MED13L: variants seen among roughly 807,000 people sequenced by gnomAD.
MED13L encodes mediator of RNA polymerase II transcription subunit 13-like.
In MED13L, 7 loss-of-function variants were observed where a neutral mutation model predicts 220.9. That is an observed-to-expected ratio of 0.03 (90% CI 0.02 to 0.06). The LOEUF is 0.06. MED13L is among the 10% of genes least tolerant of loss of function. The pLI is 1.00. For synonymous variants in MED13L, 1,011 were observed against 1,015.2 expected (o/e 1.00, Z 0.08); for missense variants, 1,965 against 2,760.5 (o/e 0.71, Z 6.46).
rs573881872 is a variant in MED13L, at chr12:116,009,475, T to C, written c.1281-343A>G. On this transcript the variant is annotated intron_variant, in intron 9 of 30. Coordinates refer to ENST00000281928, the MANE Select transcript of MED13L (RefSeq NM_015335.5). The stretch of plus-strand genomic sequence containing the variant: ...TCTTAAAACCATGAGAGTAGAGTCA[T>C]GAGATTCTCTGCCAAGAAACAACAA... Among the ~76,000 whole-genome samples, 3 of 152,260 alleles carry C rather than the reference T, an allele frequency of 2.0e-5. No homozygotes were observed. The South Asian group carries it at 6.2e-4, about 32-fold the overall frequency.
Position 116,225,319 on chromosome 12 carries a change from C to T in MED13L, c.310+12149G>A, listed in dbSNP as rs1458368243. On this transcript the variant is annotated intron_variant, in intron 2 of 30. Coordinates refer to ENST00000281928, the MANE Select transcript of MED13L (RefSeq NM_015335.5). ...GTACTTTTAAATCTGTTTCAGGGCT[C>T]CAACTGAGTTCTAGTTAATAAAGCC... Among the ~76,000 whole-genome samples, 3 of 152,220 alleles carry T rather than the reference C, an allele frequency of 2.0e-5. No homozygotes were observed. In the East Asian group the frequency reaches 5.8e-4, roughly 29 times the overall value.
At chr12:116,250,141 T>C (rs895775885) in intron 1 of MED13L, among the ~76,000 whole-genome samples, 26 of 141,492 alleles carry the variant, frequency 1.8e-4, no homozygotes, top group Admixed American at 1.4e-4. Context: ...ATACATTACA[T>C]AAGAAAAAAC....
chr12:116,253,742 C>T (rs975909237), intron 1 of MED13L, among the ~76,000 whole-genome samples: 3 of 141,894 alleles, frequency 2.1e-5, no homozygotes, highest in Admixed American at 7.1e-5. Context: ...CCCACCTTCA[C>T]GGTTTTTTTT....
At chr12:116,149,544 A>C (rs1276958114) in intron 2 of MED13L, among the ~76,000 whole-genome samples, 2 of 152,262 alleles carry the variant, frequency 1.3e-5, no homozygotes, top group East Asian at 1.9e-4. Flanking sequence ...AAAAAGTCAA[A>C]TGATTACTAA....
chr12:116,096,042 C>A (rs1374920194), intron 4 of MED13L, among the ~76,000 whole-genome samples: 1 of 151,842 alleles, frequency 6.6e-6, no homozygotes, highest in Non-Finnish European at 1.5e-5. Flanking sequence ...AAACTTATTC[C>A]ATACAACACT....
chr12:115,990,104 C>G (rs1288652377), intron 17 of MED13L, among the ~76,000 whole-genome samples: 1 of 152,154 alleles, frequency 6.6e-6, no homozygotes, highest in Non-Finnish European at 1.5e-5. Flanking sequence ...TCTAAAGGCC[C>G]CAAGCTCCAT....
chr12:116,090,252 C>T (rs955839806), intron 4 of MED13L, among the ~76,000 whole-genome samples: 2 of 152,170 alleles, frequency 1.3e-5, no homozygotes, highest in Non-Finnish European at 2.9e-5. Flanking sequence ...TAGGTGGTCA[C>T]CTCTGTAATA....
chr12:116,099,436 G>C (rs1295488328), intron 3 of MED13L, among the ~76,000 whole-genome samples: 1 of 152,144 alleles, frequency 6.6e-6, no homozygotes, highest in Admixed American at 6.5e-5. Flanking sequence ...GTCAAACACT[G>C]AACAGTCTTC....
intron 4 of MED13L, among the ~76,000 whole-genome samples, chr12:116,059,278 T>C (rs1869241208): frequency 6.6e-6 from 1 of 152,180 alleles, no homozygotes; most frequent in African/African-American, 2.4e-5. Flanking sequence ...CAGGCTGGTC[T>C]TGAACTCCTG....
chr12:116,147,307 G>A (rs1032866742), intron 2 of MED13L, among the ~76,000 whole-genome samples: 1 of 152,082 alleles, frequency 6.6e-6, no homozygotes, highest in Admixed American at 6.6e-5. Flanking sequence ...GACTTTACTT[G>A]TATAATTTGG....
rs1879959957 is a variant in MED13L, at chr12:116,019,978, G to A, written c.626-6C>T. 6.2e-7 allele frequency: 1 copy of A among 1,610,138 alleles called. No homozygotes were observed. Among genetic ancestry groups the A allele is most frequent in the Non-Finnish European group, 8.5e-7 (1 of 1,176,650 alleles). On this transcript the variant is annotated splice_polypyrimidine_tract_variant and splice_region_variant and intron_variant, in intron 5 of 30. Coordinates refer to ENST00000281928, the MANE Select transcript of MED13L (RefSeq NM_015335.5). Reference sequence around the variant, plus strand: ...GCCATAAGGACTTACCAGTACTATGGAGGGGAGGAGAAATACATGCTAAAC... The same window carrying A: ...GCCATAAGGACTTACCAGTACTATGAAGGGGAGGAGAAATACATGCTAAAC...
chr12:116,150,488 G>A (rs890136783), intron 2 of MED13L, among the ~76,000 whole-genome samples: 1 of 152,124 alleles, frequency 6.6e-6, no homozygotes, highest in Non-Finnish European at 1.5e-5. Flanking sequence ...AGTGCTCCAG[G>A]CTGGCATTCT....
At chr12:115,971,973 A>T (rs992054036) in intron 26 of MED13L, 105 bp downstream of exon 26, 3 of 1,276,542 alleles carry the variant, frequency 2.4e-6, no homozygotes, top group Non-Finnish European at 3.3e-6. Flanking sequence ...ATCTTCCCTT[A>T]TAGAAATATA....
At chr12:116,017,512 A>T (rs1486580327) in intron 7 of MED13L, among the ~76,000 whole-genome samples, 1 of 152,260 alleles carries the variant, frequency 6.6e-6, no homozygotes, top group Non-Finnish European at 1.5e-5. Context: ...TGATTACTAC[A>T]AAAGACTATG....
rs1358709148 is a variant in MED13L at position 115,963,401 on chromosome 12, A to G, written c.6500+6T>C. ...GCACTGCTATGATGCCTAGGTTGGTATCTACCTTAAAACATCCGACGTGGT... is the reference window on the plus strand; with the variant it reads ...GCACTGCTATGATGCCTAGGTTGGTGTCTACCTTAAAACATCCGACGTGGT... On this transcript the variant is annotated splice_donor_region_variant and intron_variant, in intron 30 of 30. Coordinates refer to ENST00000281928, the MANE Select transcript of MED13L (RefSeq NM_015335.5). 1 of 1,589,420 alleles carries G rather than the reference A, an allele frequency of 6.3e-7. No homozygotes were observed.
At chr12:116,050,852 T>C (rs1868432622) in intron 4 of MED13L, among the ~76,000 whole-genome samples, 1 of 151,982 alleles carries the variant, frequency 6.6e-6, no homozygotes, top group South Asian at 2.1e-4. Flanking sequence ...GGTAGGAGAA[T>C]TGCTTGAACC....
intron 7 of MED13L, 128 bp from the exon 8 acceptor site, chr12:116,015,402 C>A: frequency 4.1e-6 from 4 of 984,210 alleles, no homozygotes; most frequent in Middle Eastern, 2.2e-4. Context: ...TTTTCCCTAT[C>A]CCCTGGCAAT....
At chr12:116,064,315 G>A (rs1344097967) in intron 4 of MED13L, among the ~76,000 whole-genome samples, 1 of 152,038 alleles carries the variant, frequency 6.6e-6, no homozygotes, top group Admixed American at 6.5e-5. Flanking sequence ...ATTATTGGGG[G>A]AATAATTACA....
chr12:116,152,175 A>C (rs1878091295), intron 2 of MED13L, among the ~76,000 whole-genome samples: 1 of 152,216 alleles, frequency 6.6e-6, no homozygotes. Flanking sequence ...TAAAGCCCCC[A>C]AAAGGCTGTG....
Sources: gnomAD v4.1 joint callset for allele counts (sites outside exome capture counted in the v4.1 genomes callset) on GRCh38, gnomAD v4.1.1 for gene constraint, MANE v1.5 for transcripts, NCBI Gene and HGNC (gene_info 2026-07-23, HGNC 2026-07-21) for gene names.